The following PDE9A variants were observed in gnomAD, a reference collection of about 807,000 sequenced individuals.
PDE9A encodes the protein phosphodiesterase 9A.
In PDE9A, 60 loss-of-function variants were observed where a neutral mutation model predicts 87.4. The observed-to-expected ratio is 0.69, with a 90% confidence interval of 0.56 to 0.85. The LOEUF (loss-of-function observed/expected upper bound fraction) is 0.85, where lower values mean the gene tolerates loss of function less well. PDE9A is among the 40% of genes least tolerant of loss of function. The pLI, the probability that PDE9A is intolerant of heterozygous loss-of-function variation, is 0.00. For synonymous variants in PDE9A, 272 were observed against 279.4 expected, an observed-to-expected ratio of 0.97 and a Z score of 0.27; for missense variants, 665 against 779.0, an observed-to-expected ratio of 0.85 and a Z score of 1.74.
chr21:42,753,396 G>A (rs2054636128), intron 9 of PDE9A, among the ~76,000 whole-genome samples: 1 of 152,262 alleles, frequency 6.6e-6, no homozygotes, highest in East Asian at 1.9e-4. Context: ...TGACAAACTT[G>A]TTTAGTCCTG....
intron 1 of PDE9A, among the ~76,000 whole-genome samples, chr21:42,676,633 T>G (rs1006797730): frequency 5.9e-5 from 9 of 152,218 alleles, no homozygotes; most frequent in African/African-American, 1.9e-4. Flanking sequence ...TTCCATGTTG[T>G]GGGCCGACCC....
At position 42,760,003 on chromosome 21, in the gene PDE9A, C is replaced by T. The variant is rs1602518006; in HGVS notation, c.898-325C>T. ...AGAGCTCCCTCTTGGAGTCTCCCCT[C>T]CCCCCATCCCCTAACTTTATGCCCC... On this transcript the variant is annotated intron_variant, in intron 11 of 19. Coordinates refer to ENST00000291539, the MANE Select transcript of PDE9A (RefSeq NM_002606.3). The surrounding 1 kb of genome is among the most constrained non-coding windows in gnomAD (Gnocchi z 5.2). Among the ~76,000 whole-genome samples, 1 of 151,962 alleles carries T rather than the reference C, an allele frequency of 6.6e-6. No individual in the cohort carries two copies. The highest frequency in any genetic ancestry group is 1.5e-5 in the Non-Finnish European group (1 of 67,970).
At chr21:42,743,894 C>A (rs746796297) in intron 8 of PDE9A, 34 bp downstream of exon 8, 29 of 1,312,228 alleles carry the variant, frequency 2.2e-5, no homozygotes, top group Non-Finnish European at 2.8e-5. Flanking sequence ...GGCGGCCGGG[C>A]CTGGGGAGGG....
chr21:42,691,491 C>A (rs1213976254), intron 3 of PDE9A, among the ~76,000 whole-genome samples: 1 of 151,738 alleles, frequency 6.6e-6, no homozygotes, highest in African/African-American at 2.4e-5. Context: ...TCCAAAATCA[C>A]CCAGACACAT....
At chr21:42,775,211 A>G (rs544000479) in intron 19 of PDE9A, 69 bp from the exon 20 acceptor site, 2 of 1,521,472 alleles carry the variant, frequency 1.3e-6, no homozygotes, top group Admixed American at 3.4e-5. Context: ...AAGTGCTGGG[A>G]TTAAAGGTGT....
At chr21:42,733,100 A>G (rs946069699) in intron 6 of PDE9A, among the ~76,000 whole-genome samples, 1 of 152,194 alleles carries the variant, frequency 6.6e-6, no homozygotes, top group Non-Finnish European at 1.5e-5. Context: ...TCCACTGCTC[A>G]GGCCCGAAGA....
intron 3 of PDE9A, among the ~76,000 whole-genome samples, chr21:42,691,258 C>T (rs1335483620): frequency 6.6e-6 from 1 of 150,816 alleles, no homozygotes; most frequent in Non-Finnish European, 1.5e-5. Flanking sequence ...CCATCACCAT[C>T]TCCATCTAAA....
In PDE9A at chr21:42,767,550, C is replaced by G. The variant is rs1028819996; in HGVS notation, c.1357-638C>G. Reference sequence around the variant, plus strand: ...AGACTCCGAGCTGAACTGAGCTGCTCCTCACCTAGTCACGTTCCCCAAACC... The same window carrying G: ...AGACTCCGAGCTGAACTGAGCTGCTGCTCACCTAGTCACGTTCCCCAAACC... On this transcript the variant is annotated intron_variant, in intron 15 of 19. Coordinates refer to ENST00000291539, the MANE Select transcript of PDE9A (RefSeq NM_002606.3). 3.3e-5 allele frequency among the ~76,000 whole-genome samples: 5 copies of G among 151,274 alleles called. No homozygotes were observed. The East Asian group carries it at 9.7e-4, about 29-fold the overall frequency.
intron 1 of PDE9A, among the ~76,000 whole-genome samples, chr21:42,672,743 T>C (rs148206877): frequency 6.6e-6 from 1 of 152,360 alleles, no homozygotes; most frequent in Non-Finnish European, 1.5e-5. Context: ...GTTGATCTTA[T>C]TAACGCATAT....
At chr21:42,654,888 C>T (rs1434869512) in intron 1 of PDE9A, among the ~76,000 whole-genome samples, 1 of 152,140 alleles carries the variant, frequency 6.6e-6, no homozygotes, top group African/African-American at 2.4e-5. Context: ...CTCAGATAAC[C>T]GGGAGGAGGA....
chr21:42,744,075 G>A (rs747731721), intron 8 of PDE9A, among the ~76,000 whole-genome samples: 3 of 152,176 alleles, frequency 2.0e-5, no homozygotes, highest in African/African-American at 7.2e-5. Flanking sequence ...CGCATGGGCC[G>A]GGTGTGGTGG....
At chr21:42,753,794 G>A (rs2054684781) in intron 9 of PDE9A, among the ~76,000 whole-genome samples, 196 bp from the exon 10 acceptor site, 2 of 151,044 alleles carry the variant, frequency 1.3e-5, no homozygotes, top group Admixed American at 6.6e-5. Flanking sequence ...AACCCAGGAG[G>A]CAGAGGTTGC....
intron 3 of PDE9A, among the ~76,000 whole-genome samples, chr21:42,690,344 C>T (rs1461168179): frequency 6.6e-6 from 1 of 151,900 alleles, no homozygotes; most frequent in East Asian, 1.9e-4. Context: ...TAACCGGGTA[C>T]AGGTGATGCG....
chr21:42,708,148 C>T (rs1267821593), intron 4 of PDE9A, among the ~76,000 whole-genome samples: 4 of 152,122 alleles, frequency 2.6e-5, no homozygotes, highest in African/African-American at 4.8e-5. Flanking sequence ...ATAAGCAAAG[C>T]CACAGTCATC....
chr21:42,701,375 T>C (rs1161214329), intron 4 of PDE9A, among the ~76,000 whole-genome samples: 2 of 152,148 alleles, frequency 1.3e-5, no homozygotes, highest in Non-Finnish European at 2.9e-5. Flanking sequence ...GTGCTGGTCT[T>C]CTGACAACAA....
intron 4 of PDE9A, among the ~76,000 whole-genome samples, chr21:42,707,548 G>A (rs2048943065): frequency 6.6e-6 from 1 of 152,138 alleles, no homozygotes; most frequent in African/African-American, 2.4e-5. Flanking sequence ...CCCTCTGGGA[G>A]CTCTCTTCCC....
rs1288309389 is a variant in PDE9A, at chr21:42,675,778, C to T, written c.70-10414C>T. On this transcript the variant is annotated intron_variant, in intron 1 of 19. Transcript: ENST00000291539. This position sits in a 1 kb window ranked among gnomAD's most constrained non-coding sequence, Gnocchi z 4.3. Reference sequence around the variant, plus strand: ...GCAAAATTATGGCCCAGTCTTACAACCAGGGTATTGACAGCGAGACAAGCC... The same window carrying T: ...GCAAAATTATGGCCCAGTCTTACAATCAGGGTATTGACAGCGAGACAAGCC... Among the ~76,000 whole-genome samples the T allele has an allele frequency of 6.6e-6, 1 of 152,184 alleles. No homozygotes were observed. The highest frequency in any genetic ancestry group is 1.5e-5 in the Non-Finnish European group (1 of 68,044).
At chr21:42,654,069 TG>T (rs1412177444) in intron 1 of PDE9A, among the ~76,000 whole-genome samples, 186 bp downstream of exon 1, 1 of 55,616 alleles carries the variant, frequency 1.8e-5, no homozygotes, top group Non-Finnish European at 4.0e-5. Context: ...CGACTCGCCC[TG>T]GGGGGTGGGG....
chr21:42,742,609 G>A (rs866428455), intron 7 of PDE9A, among the ~76,000 whole-genome samples: 2 of 151,956 alleles, frequency 1.3e-5, no homozygotes, highest in African/African-American at 4.8e-5. Flanking sequence ...GGGACTACAG[G>A]CACTGGCACA....
Sources: gnomAD v4.1 joint callset for allele counts (sites outside exome capture counted in the v4.1 genomes callset) on GRCh38, gnomAD v4.1.1 for gene constraint, Gnocchi (gnomAD v3.1) non-coding constraint, MANE v1.5 for transcripts, NCBI Gene and HGNC (gene_info 2026-07-23, HGNC 2026-07-21) for gene names.